The following CYREN variants were observed in gnomAD, a reference collection of about 807,000 sequenced individuals.
The protein encoded by CYREN is cell cycle regulator of NHEJ.
A neutral mutation model predicts 9.7 loss-of-function variants in CYREN; 7 were observed. The ratio of observed to expected loss-of-function variants is 0.72; its 90% CI spans 0.41 to 1.36. The LOEUF (loss-of-function observed/expected upper bound fraction) is 1.36. CYREN is among the 40% of genes most tolerant of loss of function. The pLI is 0.01. For missense variants in CYREN, 215 were observed against 198.1 expected (o/e 1.09, Z -0.51); for synonymous variants, 76 against 77.9 (o/e 0.98, Z 0.13).
chr7:135,160,965 G>A (rs1829921676), downstream of CYREN, among the ~76,000 whole-genome samples: 1 of 152,148 alleles, frequency 6.6e-6, no homozygotes, highest in Admixed American at 6.5e-5. Context: ...TGGGCAGATG[G>A]GAATGTATTC....
At chr7:135,104,092 A>T (rs1824275608) in intron 2 of CYREN, among the ~76,000 whole-genome samples, 1 of 151,804 alleles carries the variant, frequency 6.6e-6, no homozygotes, top group Non-Finnish European at 1.5e-5. Flanking sequence ...AGTAGGCCCC[A>T]GTGTCTGTTG....
At chr7:135,135,273 A>G in intron 2 of CYREN, 1 of 1,491,202 alleles carries the variant, frequency 6.7e-7, no homozygotes, top group Non-Finnish European at 8.9e-7. Flanking sequence ...CTAGCTTTAT[A>G]CTGCTCTGAG....
At chr7:135,128,155 G>A (rs1162976090) in intron 2 of CYREN, among the ~76,000 whole-genome samples, 2 of 151,768 alleles carry the variant, frequency 1.3e-5, no homozygotes, top group Admixed American at 6.6e-5. Context: ...AGCCAGGTGT[G>A]GTGGTGAGTG....
At chr7:135,108,834 TG>T (rs1353144751) in intron 2 of CYREN, among the ~76,000 whole-genome samples, 4 of 152,226 alleles carry the variant, frequency 2.6e-5, no homozygotes, top group Admixed American at 6.5e-5. Flanking sequence ...TTCATAAATT[TG>T]GCCTCTTTAC....
intron 2 of CYREN, among the ~76,000 whole-genome samples, chr7:135,138,493 T>C (rs989652371): frequency 6.6e-6 from 1 of 151,984 alleles, no homozygotes; most frequent in African/African-American, 2.4e-5. Flanking sequence ...ATTGGATTCA[T>C]TGTAAATGTA....
At chr7:135,119,164 T>A (rs1826755941) in intron 2 of CYREN, among the ~76,000 whole-genome samples, 1 of 151,328 alleles carries the variant, frequency 6.6e-6, no homozygotes, top group Admixed American at 6.6e-5. Context: ...AACCTATAGA[T>A]CAAAAAGCTG....
intron 2 of CYREN, among the ~76,000 whole-genome samples, chr7:135,107,293 T>C (rs959700910): frequency 2.0e-5 from 3 of 152,200 alleles, no homozygotes; most frequent in African/African-American, 7.2e-5. Context: ...CTAGTTATTT[T>C]AGTTGTGAGG....
chr7:135,158,277 G>A (rs1471948011), intron 2 of CYREN, among the ~76,000 whole-genome samples: 1 of 152,236 alleles, frequency 6.6e-6, no homozygotes, highest in East Asian at 1.9e-4. Flanking sequence ...AGTGGGTATT[G>A]ACCTAGATGT....
At chr7:135,168,498 C>G (rs1830400972) in intron 2 of CYREN, 1 of 474,138 alleles carries the variant, frequency 2.1e-6, no homozygotes, top group African/African-American at 2.0e-5. Flanking sequence ...GACTGGCATT[C>G]TGGACAACTG....
chr7:135,117,741 A>G (rs1826530653), intron 2 of CYREN, among the ~76,000 whole-genome samples: 1 of 152,212 alleles, frequency 6.6e-6, no homozygotes, highest in African/African-American at 2.4e-5. Context: ...TAATATTTCC[A>G]TATACACCTA....
rs140271713 is a variant in CYREN at position 135,167,799 on chromosome 7, G to T, written c.146C>A (p.Ala49Glu). ...ATTCATGCAGTACACAGTCCTTGTC[G>T]CAGGGAGTCTGAAAAAAAGACATGC... The part of the protein sequence containing the change: ...AVPVAAARLP[A>E]TRTVYCMNEA... The change falls in exon 3 of 4, where the codon GCG (alanine) becomes GAG (glutamate). Residue 49 changes from alanine (A) to glutamate (E), a missense_variant. By Grantham distance (107) the Ala-to-Glu change is moderately radical. Transcript: ENST00000393114. The T allele has an allele frequency of 2.5e-6, 4 of 1,614,128 alleles. No homozygotes were observed. The highest frequency in any genetic ancestry group is 2.5e-6 in the Non-Finnish European group (3 of 1,180,010).
chr7:135,164,989 A>G, downstream of CYREN: 1 of 1,594,360 alleles, frequency 6.3e-7, no homozygotes, highest in Non-Finnish European at 8.6e-7. Flanking sequence ...AGCAAGCTTG[A>G]GAGCTGCTAA....
chr7:135,144,928 C>T (rs1258007678), intron 2 of CYREN, among the ~76,000 whole-genome samples: 1 of 71,208 alleles, frequency 1.4e-5, no homozygotes, highest in Non-Finnish European at 2.9e-5. Context: ...GAGACCCTGT[C>T]TCAAAAGAGT....
chr7:135,168,298 C>CCA (rs1830358970), intron 2 of CYREN: 1 of 48,574 alleles, frequency 2.1e-5, no homozygotes, highest in African/African-American at 7.4e-5. Context: ...ACCACCCCCC[C>CCA]CCCGCCCCCC....
chr7:135,112,431 C>A (rs1825777126), intron 2 of CYREN, among the ~76,000 whole-genome samples: 1 of 152,138 alleles, frequency 6.6e-6, no homozygotes, highest in Non-Finnish European at 1.5e-5. Context: ...AGTTTTGAAC[C>A]ATGTCTTCAT....
At chr7:135,136,324 G>A (rs1192729350) in intron 2 of CYREN, among the ~76,000 whole-genome samples, 2 of 152,062 alleles carry the variant, frequency 1.3e-5, no homozygotes, top group South Asian at 2.1e-4. Context: ...GAGTTTCCAA[G>A]GAGAGCCCAC....
rs1484326075 is a variant in CYREN at position 135,166,597 on chromosome 7, GCA to G, written c.*12_*13del. The G allele has an allele frequency of 1.6e-5, 25 of 1,571,094 alleles. No individual in the cohort carries two copies. The highest frequency in any genetic ancestry group is 2.1e-5 in the Non-Finnish European group (25 of 1,162,834). ...AGCTGCTCTCGGCAGACAGTTCAGTGCACAGTTTATGCCCTAGCTGAAAAAGA... is the reference window on the plus strand; with the variant it reads ...AGCTGCTCTCGGCAGACAGTTCAGTGCAGTTTATGCCCTAGCTGAAAAAGA... On this transcript the variant is annotated 3_prime_UTR_variant, in exon 4 of 4. Coordinates refer to ENST00000393114, the MANE Select transcript of CYREN (RefSeq NM_024033.4).
chr7:135,147,593 T>G (rs1829571966), intron 2 of CYREN, among the ~76,000 whole-genome samples: 1 of 152,062 alleles, frequency 6.6e-6, no homozygotes, highest in Admixed American at 6.5e-5. Flanking sequence ...AACACTGCAG[T>G]GAGAATGCTC....
chr7:135,146,994 T>C (rs1829560406), intron 2 of CYREN, among the ~76,000 whole-genome samples: 1 of 152,208 alleles, frequency 6.6e-6, no homozygotes, highest in Non-Finnish European at 1.5e-5. Flanking sequence ...TATATTAGTA[T>C]CTAAAAGTTA....
Sources: gnomAD v4.1 joint callset for allele counts (sites outside exome capture counted in the v4.1 genomes callset) on GRCh38, gnomAD v4.1.1 for gene constraint, MANE v1.5 for transcripts, NCBI Gene and HGNC (gene_info 2026-07-23, HGNC 2026-07-21) for gene names.